Variants in COL17A1 observed in about 807,000 individuals in gnomAD.
COL17A1 encodes collagen alpha-1(XVII) chain.
COL17A1 carries 181 observed loss-of-function variants against 218.4 expected under a neutral mutation model. That is an observed-to-expected ratio of 0.83 (90% CI 0.73 to 0.94). The LOEUF is 0.94. Ranked by LOEUF, COL17A1 falls within the 40% of genes least tolerant of loss-of-function variation. The pLI is 0.00. For missense variants in COL17A1, 1,924 were observed against 1,945.9 expected, an observed-to-expected ratio of 0.99 and a Z score of 0.21; for synonymous variants, 721 against 731.0, an observed-to-expected ratio of 0.99 and a Z score of 0.22.
intron 31 of COL17A1, 45 bp from the exon 32 acceptor site, chr10:104,046,818 C>T (rs2086415112): frequency 2.5e-6 from 4 of 1,599,104 alleles, no homozygotes; most frequent in African/African-American, 1.3e-5. Flanking sequence ...AGGGTGGAGG[C>T]CATCCCTGGT....
At chr10:104,048,997 G>C (rs2134602124) in intron 29 of COL17A1, among the ~76,000 whole-genome samples, 1 of 152,256 alleles carries the variant, frequency 6.6e-6, no homozygotes. Flanking sequence ...CTACCTCTGA[G>C]ATTCTTGGTC....
At chr10:104,073,924 C>T (rs1013358614) in intron 6 of COL17A1, 57 of 468,516 alleles carry the variant, frequency 1.2e-4, no homozygotes, top group African/African-American at 1.0e-3. Context: ...CTTATCCATC[C>T]AAGCCTGAGC....
At chr10:104,075,113 G>A (rs552828588) in intron 5 of COL17A1, among the ~76,000 whole-genome samples, 5 of 151,798 alleles carry the variant, frequency 3.3e-5, no homozygotes, top group South Asian at 4.2e-4. Context: ...TATTCCCTCC[G>A]CTTTACCTTC....
intron 7 of COL17A1, 142 bp from the exon 8 acceptor site, chr10:104,072,221 A>T: frequency 7.8e-7 from 1 of 1,289,108 alleles, no homozygotes; most frequent in Non-Finnish European, 1.1e-6. Flanking sequence ...AGGTGTGCCC[A>T]AGAAGAGTGC....
intron 51 of COL17A1, 23 bp downstream of exon 51, chr10:104,034,598 G>T: frequency 6.2e-7 from 1 of 1,606,424 alleles, no homozygotes; most frequent in South Asian, 1.1e-5. Context: ...TGCCTGGTGG[G>T]GCATCACCGT....
chr10:104,039,116 G>C lies in COL17A1; in HGVS notation c.2902C>G (p.Pro968Ala), dbSNP rs748600620. ...ATGCCAAGAGCCCCTGGAACACCTG[G>C]ATCACCTGGAATCCAAAATGAGAAG... ...PQGPKGDKGD[P>A]GVPGALGIPS... Residue 968 changes from proline (P) to alanine (A), a missense_variant, in exon 44 of 56, where the codon CCA (proline) becomes GCA (alanine). Coordinates refer to ENST00000648076, the MANE Select transcript of COL17A1 (RefSeq NM_000494.4). 2 of 1,613,974 alleles carry C rather than the reference G, an allele frequency of 1.2e-6. No homozygotes were observed. The highest frequency in any genetic ancestry group is 2.7e-5 in the African/African-American group (2 of 74,894).
At chr10:104,045,649 C>T in intron 33 of COL17A1, 109 bp downstream of exon 33, 2 of 946,846 alleles carry the variant, frequency 2.1e-6, no homozygotes, top group Non-Finnish European at 3.5e-6. Flanking sequence ...CCACTAGATG[C>T]CACTGTTGAT....
intron 27 of COL17A1, 117 bp downstream of exon 27, chr10:104,050,504 A>T: frequency 6.5e-7 from 1 of 1,549,204 alleles, no homozygotes; most frequent in South Asian, 1.1e-5. Flanking sequence ...AGGTTGGATT[A>T]GAATGAGATC....
chr10:104,059,558 G>A (rs1335708900), intron 15 of COL17A1, 80 bp downstream of exon 15: 1 of 1,329,554 alleles, frequency 7.5e-7, no homozygotes, highest in Non-Finnish European at 1.1e-6. Context: ...CACACTTTGA[G>A]TAGCAAGGTC....
At chr10:104,081,621 C>A (rs1249133436) in intron 1 of COL17A1, among the ~76,000 whole-genome samples, 4 of 152,208 alleles carry the variant, frequency 2.6e-5, no homozygotes, top group Admixed American at 2.6e-4. Flanking sequence ...GGTTCTCTCC[C>A]TTCCTCTAAC....
At position 104,049,407 on chromosome 10, in the gene COL17A1, A is replaced by G; in HGVS notation, c.2227+2T>C. 6.2e-7 allele frequency: 1 copy of G among 1,613,880 alleles called. No individual in the cohort carries two copies. The highest frequency in any genetic ancestry group is 8.5e-7 in the Non-Finnish European group (1 of 1,179,802). ...CTGAATCCATTCCTTTGGAACACTT[A>G]CCCATTGCTCCTTTAGCCCCGGGCT... On this transcript the variant is annotated splice_donor_variant, in intron 29 of 55. Transcript: ENST00000648076. LOFTEE classifies it high-confidence loss of function.
At chr10:104,055,751 G>T in intron 18 of COL17A1, 31 bp downstream of exon 18, 1 of 1,612,360 alleles carries the variant, frequency 6.2e-7, no homozygotes, top group Non-Finnish European at 8.5e-7. Flanking sequence ...GGACTCAGGG[G>T]AGCTGGCCCT....
intron 48 of COL17A1, among the ~76,000 whole-genome samples, chr10:104,036,109 T>A (rs866651955): frequency 1.2e-4 from 16 of 133,544 alleles, no homozygotes; most frequent in South Asian, 5.4e-4. Flanking sequence ...TATGGGAGTG[T>A]GTGTGTATGG....
intron 13 of COL17A1, among the ~76,000 whole-genome samples, chr10:104,061,115 T>C (rs987921175): frequency 1.2e-4 from 18 of 152,118 alleles, no homozygotes; most frequent in Non-Finnish European, 2.6e-4. Context: ...AGGCTTCCAG[T>C]CAAGGGCAGT....
chr10:104,050,382 A>G (rs1287495126), intron 27 of COL17A1, among the ~76,000 whole-genome samples: 6 of 152,192 alleles, frequency 3.9e-5, no homozygotes, highest in East Asian at 1.9e-4. Flanking sequence ...AAGAGGTCAG[A>G]TGCCTTGGAA....
At chr10:104,064,323 G>A in intron 10 of COL17A1, 115 bp downstream of exon 10, 1 of 1,543,544 alleles carries the variant, frequency 6.5e-7, no homozygotes, top group East Asian at 2.3e-5. Context: ...TTTGGCCACA[G>A]AAAGCCTCTC....
chr10:104,046,817 G>A (rs772684940), intron 31 of COL17A1, 44 bp from the exon 32 acceptor site: 3 of 1,598,846 alleles, frequency 1.9e-6, no homozygotes, highest in African/African-American at 1.3e-5. Context: ...AAGGGTGGAG[G>A]CCATCCCTGG....
At chr10:104,036,019 T>C (rs28499379) in intron 48 of COL17A1, among the ~76,000 whole-genome samples, 51 of 130,550 alleles carry the variant, frequency 3.9e-4, no homozygotes, top group African/African-American at 1.3e-3. Flanking sequence ...TGTGTATGGG[T>C]GTGTCTGAGT....
rs761030521 is a variant in COL17A1, at chr10:104,073,258, G to T, written c.380-13C>A. The T allele has an allele frequency of 1.5e-5, 24 of 1,613,450 alleles. No homozygotes were observed. The highest frequency in any genetic ancestry group is 1.2e-4 in the Admixed American group (7 of 60,014). On this transcript the variant is annotated splice_polypyrimidine_tract_variant and intron_variant, in intron 6 of 55. Coordinates refer to ENST00000648076, the MANE Select transcript of COL17A1 (RefSeq NM_000494.4). ...GTTGAAGAAGATGCTGAGAAACAAA[G>T]AAATGCATTTTTAGGCATATATAAG...
Sources: allele counts gnomAD v4.1 joint callset (sites outside exome capture counted in the v4.1 genomes callset), GRCh38; gene constraint gnomAD v4.1.1; transcripts MANE v1.5; gene names NCBI Gene and HGNC (gene_info 2026-07-23, HGNC 2026-07-21).